DLGAP1: variants seen among roughly 807,000 people sequenced by gnomAD.
The protein encoded by DLGAP1 is DLG associated protein 1, also known as disks large-associated protein 1.
In DLGAP1, 11 loss-of-function variants were observed where a neutral mutation model predicts 90.8. The observed-to-expected ratio is 0.12, with a 90% CI of 0.08 to 0.20. DLGAP1 has a LOEUF of 0.20. Among genes scored for constraint, DLGAP1 ranks in the 10% least tolerant of loss-of-function variants. The pLI, the probability that DLGAP1 is intolerant of heterozygous loss-of-function variation, is 1.00. For synonymous variants in DLGAP1, 558 were observed against 540.7 expected (o/e 1.03, Z -0.44); for missense variants, 1,050 against 1,333.8 (o/e 0.79, Z 3.31).
intron 3 of DLGAP1, among the ~76,000 whole-genome samples, chr18:3,929,364 A>G (rs1419703040): frequency 6.6e-6 from 1 of 152,246 alleles, no homozygotes; most frequent in Non-Finnish European, 1.5e-5. Flanking sequence ...TTGACAAAGC[A>G]GATTCCACAA....
rs191391395 is a variant in DLGAP1, at chr18:4,327,639, T to C, written c.-267+127367A>G. ...CACATACATCTTAATTTGTAACATATACTCTTGTATAATGGGTACACTCCA... is the reference window on the plus strand; with the variant it reads ...CACATACATCTTAATTTGTAACATACACTCTTGTATAATGGGTACACTCCA... On this transcript the variant is annotated intron_variant, in intron 1 of 12. Coordinates refer to ENST00000315677, the MANE Select transcript of DLGAP1 (RefSeq NM_004746.4). Among the ~76,000 whole-genome samples the C allele has an allele frequency of 6.2e-4, 94 of 152,196 alleles. 3 individuals carry two copies. Among genetic ancestry groups the C allele is most frequent in the Admixed American group, 5.1e-3 (78 of 15,284 alleles).
At chr18:4,329,331 TTA>T (rs2143704806) in intron 1 of DLGAP1, among the ~76,000 whole-genome samples, 1 of 151,990 alleles carries the variant, frequency 6.6e-6, no homozygotes, top group East Asian at 1.9e-4. Flanking sequence ...CCTGAATTTT[TTA>T]TTTTTTCTAA....
chr18:4,348,400 A>G (rs977439550), intron 1 of DLGAP1, among the ~76,000 whole-genome samples: 5 of 133,488 alleles, frequency 3.7e-5, no homozygotes, highest in Admixed American at 2.2e-4. Flanking sequence ...GAACTCAGGA[A>G]TGTGTGTGTG....
At chr18:4,304,325 T>C (rs2080198138) in intron 1 of DLGAP1, among the ~76,000 whole-genome samples, 1 of 152,188 alleles carries the variant, frequency 6.6e-6, no homozygotes. Context: ...CAAAATAAAA[T>C]AAATGGTGAT....
At chr18:3,926,570 A>G (rs77640823) in intron 3 of DLGAP1, among the ~76,000 whole-genome samples, 7,067 of 151,790 alleles carry the variant, frequency 0.047, 213 homozygotes, top group South Asian at 0.11. Context: ...ATATGTGTGT[A>G]TATATATATA....
In DLGAP1 at chr18:3,496,099, TA is replaced by T. The variant is rs1236071846; in HGVS notation, c.*3085del. On this transcript the variant is annotated 3_prime_UTR_variant, in exon 13 of 13. Transcript: ENST00000315677. ...ATGGGAAACATTCATCTATTTACAA[TA>T]TTTTTTTGTTCACACACAATCTAGG... is the stretch of plus-strand genomic sequence containing the variant. The T allele has an allele frequency of 1.3e-5, 2 of 152,228 alleles. No homozygotes were observed. Among genetic ancestry groups the T allele is most frequent in the African/African-American group, 2.4e-5 (1 of 41,472 alleles). The allele number at this position is 152,228 out of a possible 1,614,324, so 9.4% of individuals were successfully genotyped here. A position where few individuals can be genotyped will look rare whatever the true frequency, so the allele number is the denominator to read the frequency against.
chr18:3,672,572 T>A (rs1307278108), intron 7 of DLGAP1, among the ~76,000 whole-genome samples: 1 of 43,162 alleles, frequency 2.3e-5, no homozygotes. Flanking sequence ...AGCAAAACTC[T>A]ATCTCAAAAA....
At chr18:3,600,873 G>GATAGAT (rs2056927720) in intron 7 of DLGAP1, among the ~76,000 whole-genome samples, 2 of 7,218 alleles carry the variant, frequency 2.8e-4, no homozygotes, top group Admixed American at 9.5e-4. Context: ...TAGATATATA[G>GATAGAT]ATATATAGAT....
chr18:4,284,507 G>C (rs1031704079), intron 1 of DLGAP1, among the ~76,000 whole-genome samples: 1 of 152,164 alleles, frequency 6.6e-6, no homozygotes, highest in Non-Finnish European at 1.5e-5. Flanking sequence ...GTGGTTTCTA[G>C]TTTTAGAAGG....
At chr18:3,874,574 A>T (rs576632727) in intron 4 of DLGAP1, 1 of 1,505,598 alleles carries the variant, frequency 6.6e-7, no homozygotes, top group Admixed American at 2.3e-5. Flanking sequence ...CTATCTCTGA[A>T]CCTCTTCCTA....
At chr18:3,684,584 A>G (rs413302) in intron 7 of DLGAP1, among the ~76,000 whole-genome samples, 18,983 of 152,094 alleles carry the variant, frequency 0.12, 2,491 homozygotes, top group African/African-American at 0.33. Context: ...CAGGAAAAGC[A>G]ATTCACCCAA....
Position 3,638,149 on chromosome 18 carries a change from G to C in DLGAP1, c.1592-55901C>G, listed in dbSNP as rs538951105. The stretch of plus-strand genomic sequence containing the variant: ...TTTTTAGTAGAGACAGGGTTTCACC[G>C]TGTTAGCCAGGATGGTCTTGATCTC... On this transcript the variant is annotated intron_variant, in intron 7 of 12. Coordinates refer to ENST00000315677, the MANE Select transcript of DLGAP1 (RefSeq NM_004746.4). Among the ~76,000 whole-genome samples the C allele has an allele frequency of 6.1e-4, 92 of 151,470 alleles. 2 individuals are homozygous for C. Among genetic ancestry groups the C allele is most frequent in the Admixed American group, 2.4e-3 (36 of 15,246 alleles).
At chr18:4,033,297 T>C (rs1289789337) in intron 2 of DLGAP1, among the ~76,000 whole-genome samples, 1 of 151,910 alleles carries the variant, frequency 6.6e-6, no homozygotes, top group Admixed American at 6.6e-5. Context: ...TTGGGGTCTG[T>C]TTGGCATACA....
chr18:4,211,123 G>T (rs1389647914), intron 1 of DLGAP1, among the ~76,000 whole-genome samples: 1 of 152,188 alleles, frequency 6.6e-6, no homozygotes, highest in East Asian at 1.9e-4. Flanking sequence ...AATGAGATGG[G>T]TCCACACTGC....
intron 10 of DLGAP1, among the ~76,000 whole-genome samples, chr18:3,523,330 T>G (rs2051337842): frequency 6.7e-6 from 1 of 148,594 alleles, no homozygotes; most frequent in Non-Finnish European, 1.5e-5. Flanking sequence ...TGAGCCAAGA[T>G]CACACTACCG....
chr18:4,241,810 A>G (rs116859396), intron 1 of DLGAP1, among the ~76,000 whole-genome samples: 2,851 of 152,316 alleles, frequency 0.019, 36 homozygotes, highest in Non-Finnish European at 0.027. Context: ...CAATACTTCC[A>G]TTGACTATTG....
At chr18:3,832,246 G>A (rs1029987929) in intron 4 of DLGAP1, among the ~76,000 whole-genome samples, 1 of 152,198 alleles carries the variant, frequency 6.6e-6, no homozygotes, top group Non-Finnish European at 1.5e-5. Context: ...TTCATATTCA[G>A]TGATGATGTT....
intron 1 of DLGAP1, among the ~76,000 whole-genome samples, chr18:4,424,198 T>C (rs566677765): frequency 6.6e-6 from 1 of 152,206 alleles, no homozygotes; most frequent in Non-Finnish European, 1.5e-5. Flanking sequence ...GGGCAAAGAA[T>C]ATGAAGTCAT....
chr18:4,070,978 T>C (rs9789161), intron 2 of DLGAP1, among the ~76,000 whole-genome samples: 126,114 of 152,146 alleles, frequency 0.83, 52,530 homozygotes, highest in East Asian at 0.94. Flanking sequence ...AACCTTTATT[T>C]TCATCTCTAC....
Sources: gnomAD v4.1 joint callset for allele counts (sites outside exome capture counted in the v4.1 genomes callset) on GRCh38, gnomAD v4.1.1 for gene constraint, MANE v1.5 for transcripts, NCBI Gene and HGNC (gene_info 2026-07-23, HGNC 2026-07-21) for gene names.